Variants in CSMD1 observed in about 807,000 individuals in gnomAD.
The protein encoded by CSMD1 is CUB and sushi domain-containing protein 1.
Under a neutral mutation model 417.5 loss-of-function variants are expected in CSMD1, and 213 were observed. The observed-to-expected ratio is 0.51, with a 90% CI of 0.46 to 0.57. The LOEUF is 0.57. CSMD1 is among the 20% of genes least tolerant of loss of function. CSMD1 has a pLI of 0.00. For synonymous variants in CSMD1, 2,862 were observed against 1,736.8 expected (o/e 1.65, Z -16.11); for missense variants, 6,923 against 4,529.7 (o/e 1.53, Z -15.17).
chr8:4,189,512 A>T (rs1284119525), intron 3 of CSMD1, among the ~76,000 whole-genome samples: 1 of 152,212 alleles, frequency 6.6e-6, no homozygotes, highest in Non-Finnish European at 1.5e-5. Flanking sequence ...TTGTATAAAC[A>T]TATATTAAAG....
chr8:3,307,071 CAAGTCTTTTTAAA>C (rs1804919616), intron 25 of CSMD1, among the ~76,000 whole-genome samples: 1 of 151,970 alleles, frequency 6.6e-6, no homozygotes, highest in South Asian at 2.1e-4. Context: ...TCCCTGCACA[CAAGTCTTTTTAAA>C]ATATGACTTT....
intron 3 of CSMD1, among the ~76,000 whole-genome samples, chr8:4,390,037 A>G (rs1374843176): frequency 6.6e-6 from 1 of 152,186 alleles, no homozygotes; most frequent in African/African-American, 2.4e-5. Context: ...ACAAATTGCT[A>G]TACTAATTTA....
rs182528573 is a variant in CSMD1, at chr8:3,427,242, G to C, written c.1562-17637C>G. On this transcript the variant is annotated intron_variant, in intron 12 of 69. Coordinates refer to ENST00000635120, the MANE Select transcript of CSMD1 (RefSeq NM_033225.6). ...ACAAGAACTGGTCAGATTTTATTTT[G>C]CTTTGAGATTTTCAAGGCCAGCCTA... Among the ~76,000 whole-genome samples, 14 of 152,212 alleles carry C rather than the reference G, an allele frequency of 9.2e-5. No homozygotes were observed. The East Asian group carries it at 2.1e-3, about 23-fold the overall frequency.
Position 3,387,575 on chromosome 8 carries a change from G to C in CSMD1, c.2701C>G (p.Pro901Ala). The C allele has an allele frequency of 6.2e-7, 1 of 1,600,954 alleles. No homozygotes were observed. ...IRSTVTFSCD[P>A]GYTLSDDEPL... ...TCGTCGTCACTTAGTGTGTACCCCG[G>C]GTCACAGCTGAAAGTCACTGTGGAC... The change falls in exon 18 of 70, where the codon CCG (proline) becomes GCG (alanine). Residue 901 changes from proline to alanine, a missense_variant. Transcript: ENST00000635120.
intron 3 of CSMD1, among the ~76,000 whole-genome samples, chr8:4,381,527 G>C (rs544704049): frequency 1.3e-5 from 2 of 152,222 alleles, no homozygotes; most frequent in East Asian, 1.9e-4. Flanking sequence ...ATTATATTGA[G>C]GTTGGTAGGG....
intron 1 of CSMD1, among the ~76,000 whole-genome samples, chr8:4,773,301 G>T (rs891479285): frequency 6.6e-6 from 1 of 152,122 alleles, no homozygotes; most frequent in African/African-American, 2.4e-5. Context: ...TAGCAGTTTG[G>T]TGTTTATAAA....
At chr8:4,159,895 T>C (rs896588386) in intron 3 of CSMD1, among the ~76,000 whole-genome samples, 2 of 152,006 alleles carry the variant, frequency 1.3e-5, no homozygotes, top group African/African-American at 2.4e-5. Context: ...CCTATGAGGA[T>C]GCAAAGGCTT....
At chr8:3,262,314 C>G (rs1455870546) in intron 26 of CSMD1, among the ~76,000 whole-genome samples, 3 of 144,654 alleles carry the variant, frequency 2.1e-5, no homozygotes, top group African/African-American at 5.2e-5. Flanking sequence ...TCTGAATGTA[C>G]CTTTGTGATA....
intron 11 of CSMD1, among the ~76,000 whole-genome samples, chr8:3,479,642 T>C (rs188219597): frequency 1.6e-3 from 237 of 152,284 alleles, no homozygotes; most frequent in African/African-American, 4.8e-3. Context: ...CAGTTGCTTT[T>C]TCATCAATCT....
chr8:3,747,063 C>T (rs1010013797), intron 6 of CSMD1, among the ~76,000 whole-genome samples: 5 of 152,310 alleles, frequency 3.3e-5, no homozygotes, highest in Admixed American at 6.5e-5. Flanking sequence ...AACTAAAACA[C>T]GTTCTGATGT....
intron 10 of CSMD1, among the ~76,000 whole-genome samples, chr8:3,532,122 T>C (rs981779732): frequency 5.3e-5 from 8 of 152,338 alleles, no homozygotes; most frequent in African/African-American, 1.2e-4. Flanking sequence ...ATTTTTTTTC[T>C]GGGACTCCTC....
intron 10 of CSMD1, among the ~76,000 whole-genome samples, chr8:3,542,889 G>T (rs1267159883): frequency 6.6e-6 from 1 of 152,152 alleles, no homozygotes; most frequent in Non-Finnish European, 1.5e-5. Context: ...GGTGCAAGTG[G>T]GGCTCATGCG....
chr8:4,559,235 T>G (rs1000181185), intron 2 of CSMD1, among the ~76,000 whole-genome samples: 1 of 148,222 alleles, frequency 6.7e-6, no homozygotes, highest in Non-Finnish European at 1.5e-5. Flanking sequence ...ACTTAAAATG[T>G]TGGATAAACT....
chr8:4,422,539 G>A (rs1402567205), intron 2 of CSMD1, among the ~76,000 whole-genome samples: 1 of 152,070 alleles, frequency 6.6e-6, no homozygotes, highest in Non-Finnish European at 1.5e-5. Flanking sequence ...GGAACAGGAA[G>A]GATGCTGTCT....
chr8:4,640,356 G>C (rs1253376397), intron 1 of CSMD1, among the ~76,000 whole-genome samples: 1 of 152,174 alleles, frequency 6.6e-6, no homozygotes, highest in Non-Finnish European at 1.5e-5. Context: ...GATGTATTTG[G>C]TCTGCAACTT....
intron 3 of CSMD1, among the ~76,000 whole-genome samples, chr8:4,258,201 T>A (rs1803597652): frequency 6.7e-6 from 1 of 149,496 alleles, no homozygotes; most frequent in Non-Finnish European, 1.5e-5. Context: ...TGGCTTGGCC[T>A]TCCAAAGTTC....
chr8:3,881,265 T>TG (rs869067994), intron 5 of CSMD1, among the ~76,000 whole-genome samples: 3 of 842 alleles, frequency 3.6e-3, no homozygotes, highest in African/African-American at 5.9e-3. Context: ...TGTTTTTTGC[T>TG]TTTTTTTTTC....
intron 7 of CSMD1, among the ~76,000 whole-genome samples, chr8:3,694,080 A>G (rs1478266467): frequency 1.4e-5 from 2 of 147,868 alleles, no homozygotes; most frequent in Non-Finnish European, 3.0e-5. Context: ...TGTGTGTTGG[A>G]GTGTTATGTG....
At chr8:4,708,599 T>C (rs1048230186) in intron 1 of CSMD1, among the ~76,000 whole-genome samples, 4 of 152,124 alleles carry the variant, frequency 2.6e-5, no homozygotes, top group African/African-American at 7.2e-5. Flanking sequence ...AGGTAGCCAA[T>C]CAGAAAGAGT....
Sources: gnomAD v4.1 joint callset for allele counts (sites outside exome capture counted in the v4.1 genomes callset) on GRCh38, gnomAD v4.1.1 for gene constraint, MANE v1.5 for transcripts, NCBI Gene and HGNC (gene_info 2026-07-23, HGNC 2026-07-21) for gene names.